The following RAD51B variants were observed in gnomAD, a reference collection of about 807,000 sequenced individuals.
RAD51B encodes the protein RAD51 paralog B.
RAD51B carries 38 observed loss-of-function variants against 42.2 expected under a neutral mutation model. The ratio of observed to expected loss-of-function variants is 0.90; its 90% confidence interval spans 0.70 to 1.18. RAD51B has a LOEUF of 1.18. Ranked by LOEUF, RAD51B falls within the 50% of genes most tolerant of loss-of-function variation. The pLI, the probability that RAD51B is intolerant of heterozygous loss-of-function variation, is 0.00. For synonymous variants in RAD51B, 154 were observed against 145.2 expected (o/e 1.06, Z -0.43); for missense variants, 373 against 400.7 (o/e 0.93, Z 0.59).
chr14:68,496,207 T>C (rs920494620), intron 10 of RAD51B, among the ~76,000 whole-genome samples: 13 of 152,256 alleles, frequency 8.5e-5, no homozygotes, highest in Non-Finnish European at 4.4e-5. Flanking sequence ...TGAAGGAAAA[T>C]GATTTATGAC....
At chr14:68,304,845 C>T (rs577833579) in intron 8 of RAD51B, among the ~76,000 whole-genome samples, 1 of 152,334 alleles carries the variant, frequency 6.6e-6, no homozygotes, top group East Asian at 1.9e-4. Context: ...GTTCAAGCCT[C>T]AGACAGGCTT....
At chr14:68,569,786 A>G (rs1238724408) in intron 10 of RAD51B, among the ~76,000 whole-genome samples, 2 of 152,170 alleles carry the variant, frequency 1.3e-5, no homozygotes, top group Non-Finnish European at 2.9e-5. Flanking sequence ...CCTGCATCCC[A>G]GCAGCCTCTG....
At chr14:68,003,855 G>A (rs751241301) in intron 7 of RAD51B, among the ~76,000 whole-genome samples, 6 of 152,170 alleles carry the variant, frequency 3.9e-5, no homozygotes, top group Non-Finnish European at 2.9e-5. Context: ...TGCATCCCAC[G>A]GATGAAGCCT....
At chr14:67,889,038 A>G (rs985425131) in intron 7 of RAD51B, among the ~76,000 whole-genome samples, 2 of 152,202 alleles carry the variant, frequency 1.3e-5, no homozygotes, top group South Asian at 4.1e-4. Flanking sequence ...TATTTTCCCA[A>G]GTGAGAAAGG....
At chr14:67,879,216 T>C (rs948444145) in intron 5 of RAD51B, among the ~76,000 whole-genome samples, 2 of 152,226 alleles carry the variant, frequency 1.3e-5, no homozygotes, top group African/African-American at 4.8e-5. Flanking sequence ...ATTTCATCTT[T>C]TTAAAGGAAG....
At chr14:68,209,581 C>T (rs532205127) in intron 7 of RAD51B, among the ~76,000 whole-genome samples, 20 of 152,174 alleles carry the variant, frequency 1.3e-4, no homozygotes, top group African/African-American at 3.9e-4. Context: ...GAAGTGAGGG[C>T]GAAGAGAAAG....
chr14:68,383,584 C>A lies in RAD51B; in HGVS notation c.854-27840C>A, dbSNP rs7153170. Among the ~76,000 whole-genome samples the A allele has an allele frequency of 6.3e-3, 963 of 152,114 alleles. 6 individuals are homozygous for A. Among genetic ancestry groups the A allele is most frequent in the Middle Eastern group, 0.027 (8 of 294 alleles). Reference sequence around the variant, plus strand: ...CGAGGAGGTTGTGACTAGTTACTTCCCATGAAAAGCAGCTGACCCTTAGGG... The same window carrying A: ...CGAGGAGGTTGTGACTAGTTACTTCACATGAAAAGCAGCTGACCCTTAGGG... On this transcript the variant is annotated intron_variant, in intron 8 of 10. Coordinates refer to ENST00000471583, the MANE Select transcript of RAD51B (RefSeq NM_133510.4).
chr14:68,586,961 C>T (rs1454812041), intron 10 of RAD51B, among the ~76,000 whole-genome samples: 3 of 151,750 alleles, frequency 2.0e-5, no homozygotes, highest in Admixed American at 6.6e-5. Flanking sequence ...GTCGAGATCA[C>T]GCCATTGCAG....
intron 7 of RAD51B, among the ~76,000 whole-genome samples, chr14:68,162,350 T>C (rs1284491282): frequency 6.6e-6 from 1 of 152,244 alleles, no homozygotes; most frequent in African/African-American, 2.4e-5. Context: ...AAATAAGTCC[T>C]ATAATTTTTT....
At chr14:68,542,553 A>C (rs1405612144) in intron 10 of RAD51B, among the ~76,000 whole-genome samples, 3 of 152,142 alleles carry the variant, frequency 2.0e-5, no homozygotes, top group Non-Finnish European at 2.9e-5. Context: ...TGAGGACACC[A>C]TTTGCCGCCT....
At chr14:68,578,516 C>T (rs572714391) in intron 10 of RAD51B, among the ~76,000 whole-genome samples, 102 of 152,352 alleles carry the variant, frequency 6.7e-4, no homozygotes, top group African/African-American at 2.4e-3. Flanking sequence ...GCCCACCTCA[C>T]ACATGACTTC....
intron 7 of RAD51B, among the ~76,000 whole-genome samples, chr14:68,095,137 A>G (rs2077170027): frequency 6.6e-6 from 1 of 152,242 alleles, no homozygotes; most frequent in African/African-American, 2.4e-5. Context: ...TCTTTTAGCT[A>G]TATCAAAAAT....
intron 9 of RAD51B, among the ~76,000 whole-genome samples, chr14:68,438,009 G>A (rs2085188221): frequency 6.6e-6 from 1 of 152,136 alleles, no homozygotes; most frequent in African/African-American, 2.4e-5. Context: ...CACTAAATGT[G>A]TCTGTACAAT....
intron 7 of RAD51B, among the ~76,000 whole-genome samples, chr14:68,033,538 A>C (rs902769003): frequency 3.5e-5 from 5 of 143,478 alleles, no homozygotes; most frequent in African/African-American, 1.4e-4. Context: ...TAATTTTGTG[A>C]AATTTTCAAC....
chr14:68,429,405 C>T (rs1454068925), intron 9 of RAD51B, among the ~76,000 whole-genome samples: 2 of 152,200 alleles, frequency 1.3e-5, no homozygotes, highest in East Asian at 1.9e-4. Flanking sequence ...TCCACATCCT[C>T]TCCAGCACCT....
At chr14:68,626,004 T>G (rs1892072366) in intron 10 of RAD51B, among the ~76,000 whole-genome samples, 1 of 152,296 alleles carries the variant, frequency 6.6e-6, no homozygotes, top group African/African-American at 2.4e-5. Context: ...TTATCAAATG[T>G]CAAAGATCAG....
At chr14:68,301,440 G>A (rs2081733020) in intron 8 of RAD51B, among the ~76,000 whole-genome samples, 1 of 152,114 alleles carries the variant, frequency 6.6e-6, no homozygotes, top group Non-Finnish European at 1.5e-5. Flanking sequence ...TCCAAGGCCA[G>A]CCAGGAAGAA....
At chr14:68,245,898 G>A (rs369186415) in intron 7 of RAD51B, among the ~76,000 whole-genome samples, 21 of 152,112 alleles carry the variant, frequency 1.4e-4, no homozygotes, top group South Asian at 2.1e-4. Flanking sequence ...AAGGTAGTGC[G>A]GGGAGTGAAG....
intron 11 of RAD51B, among the ~76,000 whole-genome samples, chr14:68,652,522 A>G (rs539437701): frequency 3.3e-5 from 5 of 152,340 alleles, no homozygotes; most frequent in Admixed American, 3.3e-4. Context: ...ACCCTCGGCC[A>G]TGCGTGCTGT....
Sources: allele counts gnomAD v4.1 joint callset (sites outside exome capture counted in the v4.1 genomes callset), GRCh38; gene constraint gnomAD v4.1.1; transcripts MANE v1.5; gene names NCBI Gene and HGNC (gene_info 2026-07-23, HGNC 2026-07-21).